ROS1: variants seen among roughly 807,000 people sequenced by gnomAD.
The protein encoded by ROS1 is ROS proto-oncogene 1, receptor tyrosine kinase.
A neutral mutation model predicts 273.5 loss-of-function variants in ROS1; 263 were observed. The ratio of observed to expected loss-of-function variants is 0.96; its 90% CI spans 0.87 to 1.06. ROS1 has a LOEUF of 1.06. Among genes scored for constraint, ROS1 ranks in the 50% least tolerant of loss-of-function variants. ROS1 has a pLI of 0.00. For synonymous variants in ROS1, 1,008 were observed against 954.1 expected (o/e 1.06, Z -1.04); for missense variants, 2,833 against 2,751.1 (o/e 1.03, Z -0.67).
intron 39 of ROS1, 73 bp downstream of exon 39, chr6:117,317,064 ATTAAAT>A: frequency 6.9e-6 from 10 of 1,455,168 alleles, no homozygotes; most frequent in Non-Finnish European, 9.3e-6. Flanking sequence ...ACTGCAGCCT[ATTAAAT>A]TTAAAGAAAA....
intron 15 of ROS1, among the ~76,000 whole-genome samples, 167 bp downstream of exon 15, chr6:117,386,722 C>A (rs77408137): frequency 0.015 from 2,293 of 152,282 alleles, 61 homozygotes; most frequent in African/African-American, 0.052. Context: ...TATCTAAGAA[C>A]TGACATTTTC....
intron 22 of ROS1, among the ~76,000 whole-genome samples, chr6:117,360,671 ATGTC>A (rs1242178463): frequency 5.3e-5 from 8 of 152,148 alleles, no homozygotes; most frequent in East Asian, 3.8e-4. Flanking sequence ...ATTTCTAAAA[ATGTC>A]TGGGGATTTA....
rs756968760 is a variant in ROS1 at position 117,359,797 on chromosome 6, A to G, written c.3633+12T>C. 10 of 1,607,114 alleles carry G rather than the reference A, an allele frequency of 6.2e-6. No homozygotes were observed. In the South Asian group the frequency reaches 1.1e-4, roughly 18 times the overall value. On this transcript the variant is annotated intron_variant, in intron 24 of 43. Coordinates refer to ENST00000368507, the MANE Select transcript of ROS1 (RefSeq NM_001378902.1). Reference sequence around the variant, plus strand: ...ACTTCCTTTATTTCGGAAGAATTACATAGTGAAATACCTCAGAGCTAGAGC... The same window carrying G: ...ACTTCCTTTATTTCGGAAGAATTACGTAGTGAAATACCTCAGAGCTAGAGC...
chr6:117,408,985 G>A lies in ROS1; in HGVS notation c.316+597C>T, dbSNP rs1160379299. On this transcript the variant is annotated intron_variant, in intron 5 of 43. Coordinates refer to ENST00000368507, the MANE Select transcript of ROS1 (RefSeq NM_001378902.1). Reference sequence around the variant, plus strand: ...GAGGACAAAAAACCAAACACTGCATGTTCTCACTCATAGGTGGTAATTGAA... The same window carrying A: ...GAGGACAAAAAACCAAACACTGCATATTCTCACTCATAGGTGGTAATTGAA... Among the ~76,000 whole-genome samples the A allele has an allele frequency of 2.0e-5, 3 of 146,844 alleles. No homozygotes were observed. In the South Asian group the frequency reaches 6.5e-4, roughly 32 times the overall value.
At chr6:117,388,094 G>A (rs1772744870) in intron 13 of ROS1, 102 bp from the exon 14 acceptor site, 2 of 1,553,848 alleles carry the variant, frequency 1.3e-6, no homozygotes, top group Non-Finnish European at 8.7e-7. Flanking sequence ...TCAAATGGGA[G>A]AGCAATTGGG....
At chr6:117,359,367 C>A (rs1582730508) in intron 24 of ROS1, among the ~76,000 whole-genome samples, 1 of 152,094 alleles carries the variant, frequency 6.6e-6, no homozygotes, top group Non-Finnish European at 1.5e-5. Context: ...TCATGGGAAC[C>A]CTATGATGAG....
chr6:117,370,701 A>T (rs2128669626), intron 18 of ROS1, among the ~76,000 whole-genome samples: 1 of 152,358 alleles, frequency 6.6e-6, no homozygotes, highest in Non-Finnish European at 1.5e-5. Context: ...TTGACTTGAT[A>T]AGTTGAAGAT....
intron 5 of ROS1, among the ~76,000 whole-genome samples, chr6:117,407,544 A>G (rs1217627748): frequency 6.6e-6 from 1 of 152,174 alleles, no homozygotes; most frequent in Non-Finnish European, 1.5e-5. Flanking sequence ...GGAGTCATAC[A>G]CACAGTACGC....
intron 27 of ROS1, among the ~76,000 whole-genome samples, chr6:117,348,507 T>G (rs1243273589): frequency 6.6e-6 from 1 of 151,936 alleles, no homozygotes; most frequent in African/African-American, 2.4e-5. Flanking sequence ...CTTATCAATT[T>G]TATTTATCTT....
At chr6:117,391,988 AT>A in intron 12 of ROS1, among the ~76,000 whole-genome samples, 1 of 152,266 alleles carries the variant, frequency 6.6e-6, no homozygotes, top group South Asian at 2.1e-4. Flanking sequence ...GCACAAATCC[AT>A]TTTATCCTAA....
chr6:117,319,092 T>C (rs1776106260), intron 37 of ROS1, among the ~76,000 whole-genome samples: 1 of 152,128 alleles, frequency 6.6e-6, no homozygotes, highest in Non-Finnish European at 1.5e-5. Context: ...CTCAAAGCAA[T>C]AAATCTCTAA....
intron 27 of ROS1, among the ~76,000 whole-genome samples, chr6:117,350,077 C>T (rs1162554121): frequency 3.9e-5 from 6 of 151,984 alleles, no homozygotes; most frequent in Non-Finnish European, 5.9e-5. Context: ...TATTTATTCT[C>T]TAATGCTCTT....
intron 35 of ROS1, 81 bp downstream of exon 35, chr6:117,324,251 T>C: frequency 1.4e-6 from 1 of 718,360 alleles, no homozygotes; most frequent in Non-Finnish European, 2.4e-6. Flanking sequence ...TGTGGGAGAT[T>C]AGATCAACTA....
At chr6:117,346,500 C>A (rs1273003200) in intron 27 of ROS1, among the ~76,000 whole-genome samples, 1 of 150,806 alleles carries the variant, frequency 6.6e-6, no homozygotes, top group African/African-American at 2.4e-5. Flanking sequence ...CATTTTGGAG[C>A]GTGTTTGTGT....
At chr6:117,387,040 G>C in intron 14 of ROS1, 41 bp from the exon 15 acceptor site, 1 of 1,143,406 alleles carries the variant, frequency 8.7e-7, no homozygotes, top group Non-Finnish European at 1.3e-6. Context: ...ATCAGGGAAA[G>C]CAAACTCTTT....
intron 17 of ROS1, among the ~76,000 whole-genome samples, chr6:117,380,333 G>C (rs1431927117): frequency 3.3e-5 from 5 of 152,038 alleles, no homozygotes; most frequent in African/African-American, 7.2e-5. Flanking sequence ...ACAGTTATAA[G>C]GTACATGACG....
At chr6:117,307,707 C>G (rs566569230) in intron 42 of ROS1, among the ~76,000 whole-genome samples, 93 of 152,204 alleles carry the variant, frequency 6.1e-4, no homozygotes, top group Admixed American at 8.5e-4. Flanking sequence ...CAATCTTCTT[C>G]TAGCTGGAAG....
chr6:117,305,763 C>T (rs993057398), intron 42 of ROS1, among the ~76,000 whole-genome samples: 42 of 152,144 alleles, frequency 2.8e-4, no homozygotes, highest in Admixed American at 2.0e-4. Context: ...AAACTATAGT[C>T]TTGGCATGGA....
At chr6:117,393,361 T>C (rs778501374) in intron 11 of ROS1, 40 bp from the exon 12 acceptor site, 1 of 1,230,266 alleles carries the variant, frequency 8.1e-7, no homozygotes. Context: ...TTAGCATCTG[T>C]CTATACAGCA....
Sources: allele counts gnomAD v4.1 joint callset (sites outside exome capture counted in the v4.1 genomes callset), GRCh38; gene constraint gnomAD v4.1.1; transcripts MANE v1.5; gene names NCBI Gene and HGNC (gene_info 2026-07-23, HGNC 2026-07-21).